Variants in RGS22 observed in about 807,000 individuals in gnomAD.
RGS22 encodes regulator of G-protein signaling 22.
In RGS22, 148 loss-of-function variants were observed where a neutral mutation model predicts 172.9. The observed-to-expected ratio is 0.86, with a 90% CI of 0.75 to 0.98. The LOEUF (loss-of-function observed/expected upper bound fraction) is 0.98. Among genes scored for constraint, RGS22 ranks in the 50% least tolerant of loss-of-function variants. The pLI is 0.00. For synonymous variants in RGS22, 458 were observed against 480.2 expected, an observed-to-expected ratio of 0.95 and a Z score of 0.60; for missense variants, 1,347 against 1,440.8, an observed-to-expected ratio of 0.93 and a Z score of 1.05.
At chr8:100,053,876 T>C (rs561626566) in intron 9 of RGS22, among the ~76,000 whole-genome samples, 1 of 152,142 alleles carries the variant, frequency 6.6e-6, no homozygotes, top group African/African-American at 2.4e-5. Context: ...CCTTGTGATC[T>C]GCCCTCCTCA....
At chr8:100,001,549 G>T (rs966720575) in intron 18 of RGS22, among the ~76,000 whole-genome samples, 1 of 151,948 alleles carries the variant, frequency 6.6e-6, no homozygotes, top group Admixed American at 6.6e-5. Flanking sequence ...TTATATTCTT[G>T]CTGTCAATCT....
intron 4 of RGS22, among the ~76,000 whole-genome samples, chr8:100,075,015 C>T (rs1017697972): frequency 6.6e-6 from 1 of 152,158 alleles, no homozygotes; most frequent in Non-Finnish European, 1.5e-5. Context: ...CATGATCCAG[C>T]CGTCTCGGCC....
intron 3 of RGS22, among the ~76,000 whole-genome samples, chr8:100,089,347 G>A (rs1812396757): frequency 6.6e-6 from 1 of 152,016 alleles, no homozygotes. Context: ...TCCTTCTTAT[G>A]GTGAGTGAAA....
intron 23 of RGS22, among the ~76,000 whole-genome samples, chr8:99,968,103 G>A (rs1430733174): frequency 2.0e-5 from 3 of 152,158 alleles, no homozygotes; most frequent in African/African-American, 7.2e-5. Flanking sequence ...ATCTGGAGTG[G>A]ACCTCCAGCA....
chr8:100,076,191 G>A (rs1395201761), intron 4 of RGS22, among the ~76,000 whole-genome samples: 1 of 151,916 alleles, frequency 6.6e-6, no homozygotes, highest in Admixed American at 6.6e-5. Flanking sequence ...TACTTTCTTG[G>A]TAGTGTCCTT....
intron 13 of RGS22, among the ~76,000 whole-genome samples, chr8:100,039,359 T>C (rs1012474570): frequency 6.1e-5 from 9 of 147,454 alleles, no homozygotes; most frequent in Non-Finnish European, 1.3e-4. Flanking sequence ...ATTACTCTAG[T>C]AATTGAACCA....
At chr8:100,078,651 G>A (rs2131889037) in intron 4 of RGS22, among the ~76,000 whole-genome samples, 2 of 151,458 alleles carry the variant, frequency 1.3e-5, no homozygotes, top group South Asian at 4.2e-4. Context: ...TTTGAAACAG[G>A]GTCTCACTCT....
chr8:100,020,378 G>A (rs545070728), intron 14 of RGS22, among the ~76,000 whole-genome samples: 98 of 152,298 alleles, frequency 6.4e-4, no homozygotes, highest in African/African-American at 2.2e-3. Context: ...TTTTTCATAA[G>A]CTCCTTCATG....
chr8:100,058,452 C>A (rs544061109), intron 9 of RGS22, among the ~76,000 whole-genome samples: 1 of 152,134 alleles, frequency 6.6e-6, no homozygotes, highest in East Asian at 1.9e-4. Context: ...AACCCAAAAG[C>A]AGCAAGAAAA....
chr8:100,078,439 T>A (rs1359752835), intron 4 of RGS22, among the ~76,000 whole-genome samples: 3 of 150,476 alleles, frequency 2.0e-5, no homozygotes, highest in African/African-American at 7.3e-5. Context: ...TAATCATATA[T>A]ATTATATGAT....
At position 100,002,190 on chromosome 8, in the gene RGS22, G is replaced by T. The variant is rs760703811; in HGVS notation, c.2790+12C>A. ...AAACATCAATTAAAAAAATAGGTTT[G>T]CATGTTGATACCTGGTTCTGCTGAT... is the stretch of plus-strand genomic sequence containing the variant. On this transcript the variant is annotated intron_variant, in intron 18 of 27. Coordinates refer to ENST00000360863, the MANE Select transcript of RGS22 (RefSeq NM_015668.5). 1.2e-5 allele frequency: 19 copies of T among 1,527,774 alleles called. No individual in the cohort carries two copies. In the South Asian group the frequency reaches 1.4e-4, roughly 12 times the overall value. 94.6% of individuals were successfully genotyped at this position (1,527,774 alleles called of 1,614,324 possible).
intron 3 of RGS22, among the ~76,000 whole-genome samples, chr8:100,081,475 A>G (rs1461120937): frequency 3.3e-5 from 5 of 151,742 alleles, no homozygotes; most frequent in Non-Finnish European, 7.4e-5. Flanking sequence ...ACGGTTCAAG[A>G]TGAATGTCAG....
chr8:100,052,861 T>C lies in RGS22; in HGVS notation c.1630A>G (p.Met544Val), dbSNP rs1253569891. 10 of 1,614,118 alleles carry C rather than the reference T, an allele frequency of 6.2e-6. No homozygotes were observed. Among genetic ancestry groups the C allele is most frequent in the Non-Finnish European group, 8.5e-6 (10 of 1,180,006 alleles). Residue 544 changes from methionine to valine, a missense_variant, in exon 10 of 28, where the codon ATG (methionine) becomes GTG (valine). By Grantham distance (21) the Met-to-Val change is conservative. Coordinates refer to ENST00000360863, the MANE Select transcript of RGS22 (RefSeq NM_015668.5). ...PRKDIDPFPQ[M>V]ATLLPLRPKS... ...GGTCTTAATGGCAAGAGGGTTGCCA[T>C]TTGTGGAAAAGGGTCAATATCCTTC...
At chr8:100,083,830 C>CTTT (rs59603032) in intron 3 of RGS22, among the ~76,000 whole-genome samples, 22 of 126,032 alleles carry the variant, frequency 1.7e-4, no homozygotes, top group Admixed American at 4.8e-4. Context: ...AATTTCTTTT[C>CTTT]TTTTTTTTTT....
chr8:100,056,913 G>A (rs947189350), intron 9 of RGS22, among the ~76,000 whole-genome samples: 8 of 152,184 alleles, frequency 5.3e-5, no homozygotes, highest in Non-Finnish European at 1.0e-4. Context: ...TCCAGACCCC[G>A]GAATGGTAGA....
chr8:99,995,935 A>T (rs560753590), intron 20 of RGS22, among the ~76,000 whole-genome samples: 8 of 152,322 alleles, frequency 5.3e-5, no homozygotes, highest in African/African-American at 1.9e-4. Context: ...GCAGCCATAA[A>T]AAAGGATGAG....
intron 4 of RGS22, 117 bp downstream of exon 4, chr8:100,080,017 G>C: frequency 1.4e-6 from 1 of 723,598 alleles, no homozygotes; most frequent in East Asian, 2.6e-5. Context: ...CTATGTGTAC[G>C]TACAACACAA....
chr8:100,026,579 A>G (rs984729832), intron 14 of RGS22, among the ~76,000 whole-genome samples: 1 of 152,224 alleles, frequency 6.6e-6, no homozygotes, highest in South Asian at 2.1e-4. Context: ...TAGAAGGAGA[A>G]ACAACAGGAG....
At chr8:100,060,953 C>T (rs999639330) in intron 9 of RGS22, among the ~76,000 whole-genome samples, 13 of 152,102 alleles carry the variant, frequency 8.5e-5, no homozygotes, top group Admixed American at 3.3e-4. Context: ...CAGCATGGTA[C>T]TGGTACAATA....
Sources: allele counts gnomAD v4.1 joint callset (sites outside exome capture counted in the v4.1 genomes callset), GRCh38; gene constraint gnomAD v4.1.1; transcripts MANE v1.5; gene names NCBI Gene and HGNC (gene_info 2026-07-23, HGNC 2026-07-21).